PCM1: variants seen among roughly 807,000 people sequenced by gnomAD.
The protein encoded by PCM1 is pericentriolar material 1 protein.
PCM1 carries 157 observed loss-of-function variants against 241.9 expected under a neutral mutation model. The observed-to-expected ratio is 0.65, with a 90% CI of 0.57 to 0.74. The LOEUF (loss-of-function observed/expected upper bound fraction) is 0.74, where lower values mean the gene tolerates loss of function less well. PCM1 is among the 30% of genes least tolerant of loss of function. PCM1 has a pLI of 0.00. For missense variants in PCM1, 3,478 were observed against 2,360.1 expected (o/e 1.47, Z -9.81); for synonymous variants, 1,085 against 784.9 (o/e 1.38, Z -6.39).
At chr8:17,923,794 C>T (rs917527636) in intron 1 of PCM1, among the ~76,000 whole-genome samples, 2 of 152,034 alleles carry the variant, frequency 1.3e-5, no homozygotes, top group African/African-American at 4.8e-5. Context: ...GTAATTATTG[C>T]CCCTTCTTTC....
At chr8:17,949,531 C>T (rs191952036) in intron 7 of PCM1, among the ~76,000 whole-genome samples, 3 of 66,564 alleles carry the variant, frequency 4.5e-5, no homozygotes, top group Admixed American at 3.6e-4. Context: ...GGATCTTGCT[C>T]TGTCACCCAG....
At chr8:17,953,789 C>G (rs1313342720) in intron 9 of PCM1, among the ~76,000 whole-genome samples, 2 of 152,126 alleles carry the variant, frequency 1.3e-5, no homozygotes, top group African/African-American at 2.4e-5. Flanking sequence ...TCTTCAGTTC[C>G]TATCCTAATA....
rs368892136 is a variant in PCM1 at position 17,946,832 on chromosome 8, AGTGTGTGTGTGTGTGT to A, written c.784-329_784-314del. On this transcript the variant is annotated intron_variant, in intron 6 of 38. Coordinates refer to ENST00000325083, the MANE Select transcript of PCM1 (RefSeq NM_006197.4). Reference sequence around the variant, plus strand: ...TTTTCTGTAGGGGCCTAGATTCTTCAGTGTGTGTGTGTGTGTGTGTGTGTGTGTGTGTGTGTGTGTC... The same window carrying A: ...TTTTCTGTAGGGGCCTAGATTCTTCAGTGTGTGTGTGTGTGTGTGTGTGTC... Among the ~76,000 whole-genome samples, 10 of 138,380 alleles carry A rather than the reference AGTGTGTGTGTGTGTGT, an allele frequency of 7.2e-5. No homozygotes were observed. The South Asian group carries it at 9.6e-4, about 13-fold the overall frequency. The allele number at this position is 138,380 out of a possible 152,430, so 90.8% of individuals were successfully genotyped here. A position where few individuals can be genotyped will look rare whatever the true frequency, so the allele number is the denominator to read the frequency against.
At chr8:17,986,523 A>G (rs1364759667) in intron 26 of PCM1, among the ~76,000 whole-genome samples, 5 of 151,600 alleles carry the variant, frequency 3.3e-5, no homozygotes, top group Admixed American at 3.3e-4. Flanking sequence ...CAGGAAAAAA[A>G]TTGTAATTTA....
In PCM1 at chr8:17,935,217, A is replaced by G. The variant is rs767439870; in HGVS notation, c.-22-372A>G. ...TCATCTTCATCCCAAGTCCATTGTC[A>G]GAACAGAGATACTTTCTTTCCTGGG... On this transcript the variant is annotated intron_variant, in intron 2 of 38. Transcript: ENST00000325083. 3.9e-5 allele frequency among the ~76,000 whole-genome samples: 6 copies of G among 152,358 alleles called. No homozygotes were observed. The South Asian group carries it at 6.2e-4, about 16-fold the overall frequency.
chr8:18,016,116 C>T (rs1232280560), intron 36 of PCM1, among the ~76,000 whole-genome samples: 1 of 152,092 alleles, frequency 6.6e-6, no homozygotes, highest in East Asian at 1.9e-4. Flanking sequence ...TCTCGATCTC[C>T]TGACATTGTA....
Position 18,024,427 on chromosome 8 carries a change from C to T in PCM1, c.5842-934C>T, listed in dbSNP as rs565575064. Among the ~76,000 whole-genome samples the T allele has an allele frequency of 2.0e-5, 3 of 152,234 alleles. No individual in the cohort carries two copies. The East Asian group carries it at 5.8e-4, about 29-fold the overall frequency. On this transcript the variant is annotated intron_variant, in intron 36 of 38. Coordinates refer to ENST00000325083, the MANE Select transcript of PCM1 (RefSeq NM_006197.4). ...GATTCATAATTTCTTAGAAAGGGGG[C>T]TTATAATCTTTGAAAAACGTTAGTA...
rs35314105 is a variant in PCM1 at position 17,960,417 on chromosome 8, A to G, written c.2295A>G (p.Ala765=). 6,240 of 1,604,348 alleles carry G rather than the reference A, an allele frequency of 3.9e-3. 217 individuals are homozygous for G. In the African/African-American group the frequency reaches 0.073, roughly 19 times the overall value. ...TTGACATTCAGGAGAAAATTCAAGC[A>G]TTGCAAACGGCATGCCCTGACTTAC... ...KLIDIQEKIQ[A]LQTACPDLQL... Residue 765 remains alanine (A), a synonymous_variant, in exon 15 of 39, where the codon GCA becomes GCG. Transcript: ENST00000325083.
chr8:18,007,558 C>G (rs73577775), intron 30 of PCM1, among the ~76,000 whole-genome samples: 3,993 of 152,278 alleles, frequency 0.026, 189 homozygotes, highest in African/African-American at 0.092. Context: ...TAATTGTGGA[C>G]AGATCCCAAA....
chr8:17,986,779 G>A (rs1468479626), intron 26 of PCM1, among the ~76,000 whole-genome samples: 4 of 151,724 alleles, frequency 2.6e-5, no homozygotes, highest in Admixed American at 2.6e-4. Context: ...ATGTGGTCGT[G>A]GGATAGCAAA....
At chr8:17,976,754 T>C (rs1311428040) in intron 23 of PCM1, among the ~76,000 whole-genome samples, 2 of 151,986 alleles carry the variant, frequency 1.3e-5, no homozygotes, top group African/African-American at 4.8e-5. Context: ...AGGGAAAGAG[T>C]GGTGAAGTGG....
chr8:17,997,507 T>C (rs2087321851), intron 29 of PCM1, among the ~76,000 whole-genome samples: 1 of 152,136 alleles, frequency 6.6e-6, no homozygotes, highest in South Asian at 2.1e-4. Flanking sequence ...ATTTTGCAGA[T>C]CCTGTAGGTG....
chr8:17,966,284 T>C, intron 19 of PCM1, 44 bp from the exon 20 acceptor site: 1 of 1,608,796 alleles, frequency 6.2e-7, no homozygotes, highest in Non-Finnish European at 8.5e-7. Context: ...TACAAATTTT[T>C]CTCAAGTCAT....
intron 29 of PCM1, among the ~76,000 whole-genome samples, chr8:17,996,452 C>T (rs1368707467): frequency 1.3e-5 from 2 of 152,032 alleles, no homozygotes; most frequent in African/African-American, 2.4e-5. Flanking sequence ...TGTAATGTCT[C>T]CTTTTTCATC....
In PCM1 at chr8:18,024,192, C is replaced by A. The variant is rs189418177; in HGVS notation, c.5842-1169C>A. On this transcript the variant is annotated intron_variant, in intron 36 of 38. Transcript: ENST00000325083. ...GAGCAACCTGGGCAACATAGTAAGACCCTGTCTCTACAAAAAATTAAAAAT... is the reference window on the plus strand; with the variant it reads ...GAGCAACCTGGGCAACATAGTAAGAACCTGTCTCTACAAAAAATTAAAAAT... 5.4e-3 allele frequency among the ~76,000 whole-genome samples: 821 copies of A among 152,234 alleles called. 7 individuals are homozygous for A. Among genetic ancestry groups the A allele is most frequent in the African/African-American group, 0.018 (763 of 41,534 alleles).
rs188557284 is a variant in PCM1, at chr8:17,968,777, T to C, written c.3413-800T>C. Among the ~76,000 whole-genome samples, 98 of 148,620 alleles carry C rather than the reference T, an allele frequency of 6.6e-4. No homozygotes were observed. In the East Asian group the frequency reaches 8.8e-3, roughly 13 times the overall value. On this transcript the variant is annotated intron_variant, in intron 21 of 38. Transcript: ENST00000325083. Reference sequence around the variant, plus strand: ...GTGTGTGTGTGTATATATATATATATACACACCACAGTGTTTTTTCTTTAT... The same window carrying C: ...GTGTGTGTGTGTATATATATATATACACACACCACAGTGTTTTTTCTTTAT...
Position 17,953,036 on chromosome 8 carries a change from A to C in PCM1, c.1138A>C (p.Ser380Arg), listed in dbSNP as rs556573019. 1 of 1,608,908 alleles carries C rather than the reference A, an allele frequency of 6.2e-7. No individual in the cohort carries two copies. Among genetic ancestry groups the C allele is most frequent in the South Asian group, 1.1e-5 (1 of 89,922 alleles). ...SLSLTREVSQ[S>R]RKPSASERLP... ...TTCATTAACTAGGGAGGTTTCCCAG[A>C]GCAGGAAACCATCAGCTTCAGAACG... The change falls in exon 9 of 39, where the codon AGC (serine) becomes CGC (arginine). Residue 380 changes from serine to arginine, a missense_variant. By Grantham distance (110) the Ser-to-Arg change is moderately radical. Transcript: ENST00000325083.
At chr8:17,937,034 C>G (rs1007910935) in intron 3 of PCM1, 100 bp from the exon 4 acceptor site, 3 of 906,920 alleles carry the variant, frequency 3.3e-6, no homozygotes, top group East Asian at 2.7e-5. Context: ...AATGTCTTGT[C>G]TTTTTTAATT....
intron 23 of PCM1, among the ~76,000 whole-genome samples, chr8:17,974,195 T>G (rs2077843196): frequency 6.6e-6 from 1 of 152,224 alleles, no homozygotes; most frequent in East Asian, 1.9e-4. Flanking sequence ...AATCTGAAGC[T>G]ATTCAGAAAG....
Sources: gnomAD v4.1 joint callset for allele counts (sites outside exome capture counted in the v4.1 genomes callset) on GRCh38, gnomAD v4.1.1 for gene constraint, MANE v1.5 for transcripts, NCBI Gene and HGNC (gene_info 2026-07-23, HGNC 2026-07-21) for gene names.